The following SHMT1 variants were observed in gnomAD, a reference collection of about 807,000 sequenced individuals.
SHMT1 encodes the protein serine hydroxymethyltransferase, cytosolic.
A neutral mutation model predicts 49.0 loss-of-function variants in SHMT1; 45 were observed. That is an observed-to-expected ratio of 0.92 (90% CI 0.72 to 1.18). The LOEUF (loss-of-function observed/expected upper bound fraction) is 1.18. SHMT1 is among the 50% of genes most tolerant of loss of function. SHMT1 has a pLI of 0.00. For synonymous variants in SHMT1, 232 were observed against 246.6 expected, an observed-to-expected ratio of 0.94 and a Z score of 0.55; for missense variants, 541 against 612.4, an observed-to-expected ratio of 0.88 and a Z score of 1.23.
intron 10 of SHMT1, 52 bp downstream of exon 10, chr17:18,330,503 G>C (rs1002251255): frequency 2.3e-6 from 3 of 1,303,354 alleles, no homozygotes; most frequent in Non-Finnish European, 3.3e-6. Context: ...ACTTTGGCCA[G>C]AAGAAATGCA....
chr17:18,341,556 C>T (rs1255359347), intron 5 of SHMT1: 2 of 143,842 alleles, frequency 1.4e-5, no homozygotes, highest in Admixed American at 7.3e-5. Context: ...AGGAGAATGG[C>T]GTGAACCCGG....
chr17:18,339,746 G>T (rs1984276160), intron 7 of SHMT1, among the ~76,000 whole-genome samples: 1 of 152,102 alleles, frequency 6.6e-6, no homozygotes, highest in Admixed American at 6.5e-5. Flanking sequence ...GTTTTTAGTA[G>T]AGACGGGGTT....
chr17:18,358,828 G>C (rs1289232995), intron 1 of SHMT1, among the ~76,000 whole-genome samples: 1 of 152,152 alleles, frequency 6.6e-6, no homozygotes, highest in African/African-American at 2.4e-5. Context: ...ACCTGAGCCT[G>C]GAAGCTAGAG....
chr17:18,340,807 G>T lies in SHMT1; in HGVS notation c.526C>A (p.Pro176Thr). The change falls in exon 6 of 12, where the codon CCA becomes ACA. Residue 176 changes from proline to threonine, a missense_variant. Transcript: ENST00000316694. This position sits in a 1 kb window ranked among gnomAD's most constrained non-coding sequence, Gnocchi z 4.5. ...FFESMPYKVN[P>T]DTGYINYDQL... ...TCATAGTTGATGTAGCCAGTATCTG[G>T]GTTCACCTGTGGAATGTCAGGGAGG... is the stretch of plus-strand genomic sequence containing the variant. 6.2e-7 allele frequency: 1 copy of T among 1,613,004 alleles called. No individual in the cohort carries two copies. The highest frequency in any genetic ancestry group is 8.5e-7 in the Non-Finnish European group (1 of 1,179,534).
chr17:18,362,778 C>T (rs1986892922), intron 1 of SHMT1, among the ~76,000 whole-genome samples: 1 of 152,196 alleles, frequency 6.6e-6, no homozygotes, highest in African/African-American at 2.4e-5. Context: ...CCAAGAACTT[C>T]ACAGTGCAAC....
chr17:18,333,343 A>G, intron 8 of SHMT1, 55 bp from the exon 9 acceptor site: 1 of 1,582,676 alleles, frequency 6.3e-7, no homozygotes, highest in Non-Finnish European at 8.6e-7. Context: ...TACACAGATG[A>G]TGAGTCAAAC....
intron 1 of SHMT1, among the ~76,000 whole-genome samples, chr17:18,358,473 C>T (rs931545063): frequency 6.6e-6 from 1 of 151,798 alleles, no homozygotes; most frequent in African/African-American, 2.4e-5. Flanking sequence ...GGCAACAGAG[C>T]GAGACTCTGT....
chr17:18,351,265 C>G (rs560781454), intron 3 of SHMT1, among the ~76,000 whole-genome samples: 3 of 151,956 alleles, frequency 2.0e-5, no homozygotes, highest in Non-Finnish European at 4.4e-5. Flanking sequence ...CTTAGCCTCC[C>G]GAGTAGCTGG....
intron 1 of SHMT1, among the ~76,000 whole-genome samples, chr17:18,356,686 A>C (rs55912774): frequency 0.11 from 16,626 of 152,204 alleles, 1,015 homozygotes; most frequent in South Asian, 0.18. Context: ...TATCAAGTTG[A>C]TAAACTAACA....
intron 7 of SHMT1, among the ~76,000 whole-genome samples, chr17:18,336,135 G>T (rs1983765247): frequency 6.6e-6 from 1 of 152,026 alleles, no homozygotes; most frequent in African/African-American, 2.4e-5. Flanking sequence ...AAATTAGCCG[G>T]GCGTGGTGGT....
intron 3 of SHMT1, chr17:18,353,384 G>GAGGCC: frequency 2.3e-6 from 1 of 438,356 alleles, no homozygotes; most frequent in Non-Finnish European, 4.2e-6. Context: ...TTTCTAGACA[G>GAGGCC]AGGCCACACA....
chr17:18,337,821 G>A (rs1387707685), intron 7 of SHMT1, among the ~76,000 whole-genome samples: 1 of 152,254 alleles, frequency 6.6e-6, no homozygotes, highest in Non-Finnish European at 1.5e-5. Context: ...TCATCTGCCA[G>A]CCTCGGCCTC....
intron 5 of SHMT1, among the ~76,000 whole-genome samples, chr17:18,344,577 GAAAAAAA>G (rs10655994): frequency 3.1e-5 from 2 of 65,384 alleles, no homozygotes; most frequent in Non-Finnish European, 5.5e-5. Context: ...ACAATTACCG[GAAAAAAA>G]AAAAAAAAAA....
At chr17:18,361,310 A>AC (rs896485519) in intron 1 of SHMT1, among the ~76,000 whole-genome samples, 53 of 148,312 alleles carry the variant, frequency 3.6e-4, no homozygotes, top group Admixed American at 1.1e-3. Flanking sequence ...AAAAAAAAAA[A>AC]AAAAACAAAA....
At chr17:18,358,886 G>C (rs1986498347) in intron 1 of SHMT1, among the ~76,000 whole-genome samples, 1 of 152,104 alleles carries the variant, frequency 6.6e-6, no homozygotes, top group African/African-American at 2.4e-5. Flanking sequence ...CTGGGTGACA[G>C]AGTAAGACCC....
At chr17:18,343,358 C>T (rs1984725937) in intron 5 of SHMT1, among the ~76,000 whole-genome samples, 1 of 151,980 alleles carries the variant, frequency 6.6e-6, no homozygotes, top group Non-Finnish European at 1.5e-5. Context: ...TCTGTAATCT[C>T]AGCACTTTGG....
chr17:18,347,683 T>G (rs900718197), intron 4 of SHMT1, 27 bp from the exon 5 acceptor site: 1 of 1,613,756 alleles, frequency 6.2e-7, no homozygotes, highest in Admixed American at 1.7e-5. Flanking sequence ...AGAGGAGACA[T>G]GATTATTTCT....
In SHMT1 at chr17:18,334,233, C is replaced by T. The variant is rs552310212; in HGVS notation, c.932-945G>A. 4.6e-5 allele frequency among the ~76,000 whole-genome samples: 7 copies of T among 152,246 alleles called. No individual in the cohort carries two copies. In the South Asian group the frequency reaches 1.2e-3, roughly 27 times the overall value. On this transcript the variant is annotated intron_variant, in intron 8 of 11. Transcript: ENST00000316694. ...CTGGGACTACAGGCGTGAGCCACTG[C>T]GCCTGGCCACGCCTGGCTAATTTTT...
chr17:18,356,180 C>T (rs138605893), intron 1 of SHMT1, among the ~76,000 whole-genome samples, 180 bp from the exon 2 acceptor site: 2 of 151,704 alleles, frequency 1.3e-5, no homozygotes, highest in East Asian at 1.9e-4. Context: ...AATCTTCTGA[C>T]TACAGGCGCA....
Sources: allele counts gnomAD v4.1 joint callset (sites outside exome capture counted in the v4.1 genomes callset), GRCh38; gene constraint gnomAD v4.1.1; non-coding constraint Gnocchi (gnomAD v3.1); transcripts MANE v1.5; gene names NCBI Gene and HGNC (gene_info 2026-07-23, HGNC 2026-07-21).